Variants in BTG1 observed in about 807,000 individuals in gnomAD.
BTG1 encodes protein BTG1.
In BTG1, 2 loss-of-function variants were observed where a neutral mutation model predicts 15.2. The observed-to-expected ratio is 0.13, with a 90% CI of 0.05 to 0.41. The LOEUF is 0.41. BTG1 is among the 10% of genes least tolerant of loss of function. BTG1 has a pLI of 0.99. For missense variants in BTG1, 149 were observed against 215.0 expected, an observed-to-expected ratio of 0.69 and a Z score of 1.92; for synonymous variants, 109 against 82.4, an observed-to-expected ratio of 1.32 and a Z score of -1.75.
At chr12:92,145,327 G>A (rs1410015941) in intron 1 of BTG1, 61 bp downstream of exon 1, 3 of 1,417,860 alleles carry the variant, frequency 2.1e-6, no homozygotes, top group East Asian at 5.6e-5. Flanking sequence ...CAGCCCCGAC[G>A]GCCGGACTCT....
chr12:92,144,500 C>T (rs1402061272), intron 1 of BTG1, 53 bp from the exon 2 acceptor site: 16 of 1,593,238 alleles, frequency 1.0e-5, no homozygotes, highest in Non-Finnish European at 1.2e-5. Flanking sequence ...TTAGCTCCCA[C>T]TGCGGATTCC....
rs1870241829 is a variant in BTG1, at chr12:92,141,762, A to G, written c.*2318T>C. Reference sequence around the variant, plus strand: ...CTTTTTCAAAGACAAACTTATAAACAGCTCCTCACAAGCCAGACATCACCT... The same window carrying G: ...CTTTTTCAAAGACAAACTTATAAACGGCTCCTCACAAGCCAGACATCACCT... On this transcript the variant is annotated 3_prime_UTR_variant, in exon 2 of 2. Transcript: ENST00000256015. 2 of 232,694 alleles carry G rather than the reference A, an allele frequency of 8.6e-6. No individual in the cohort carries two copies. The highest frequency in any genetic ancestry group is 2.2e-5 in the African/African-American group (1 of 45,320). The allele number at this position is 232,694 out of a possible 1,614,324, so 14.4% of individuals were successfully genotyped here.
chr12:92,144,440 A>G lies in BTG1; in HGVS notation c.156T>C (p.Tyr52=). ...GCTTTTCTGGGAACCAGTGATGTTT[A>G]TAATGTTCTATAGAAGAAAAGAAGA... is the stretch of plus-strand genomic sequence containing the variant. The part of the protein sequence containing the change: ...QSLQELLAEH[Y]KHHWFPEKPC... The change falls in exon 2 of 2, where the codon TAT becomes TAC. Residue 52 remains tyrosine (Y), a synonymous_variant. Coordinates refer to ENST00000256015, the MANE Select transcript of BTG1 (RefSeq NM_001731.3). The G allele has an allele frequency of 6.2e-7, 1 of 1,613,822 alleles. No individual in the cohort carries two copies. Among genetic ancestry groups the G allele is most frequent in the Non-Finnish European group, 8.5e-7 (1 of 1,179,952 alleles).
rs1482590389 is a variant in BTG1 at position 92,143,308 on chromosome 12, A to G, written c.*772T>C. On this transcript the variant is annotated 3_prime_UTR_variant, in exon 2 of 2. Coordinates refer to ENST00000256015, the MANE Select transcript of BTG1 (RefSeq NM_001731.3). ...CACAAAATAGATGGTGGTTTGTGGA[A>G]AAGACTTTTACCCAATTAAGTACAA... The G allele has an allele frequency of 1.3e-5, 3 of 232,928 alleles. No homozygotes were observed. The highest frequency in any genetic ancestry group is 1.7e-5 in the Non-Finnish European group (2 of 117,670). 14.4% of individuals were successfully genotyped at this position (232,928 alleles called of 1,614,324 possible).
At chr12:92,145,307 G>A (rs1275957710) in intron 1 of BTG1, 81 bp downstream of exon 1, 4 of 1,369,390 alleles carry the variant, frequency 2.9e-6, no homozygotes, top group South Asian at 3.4e-5. Flanking sequence ...GGGCGCTGCC[G>A]AGGTTCCCGC....
At position 92,144,113 on chromosome 12, in the gene BTG1, G is replaced by A; in HGVS notation, c.483C>T (p.Ser161=). Residue 161 remains serine (S), a synonymous_variant, in exon 2 of 2, where the codon TCC becomes TCT. Transcript: ENST00000256015. ...EELLLGRTSP[S]KNYNMMTVSG ...ATACAGTCATCATATTGTAGTTTTT[G>A]GAAGGGCTCGTTCTGCCCAAGAGAA... The A allele has an allele frequency of 6.2e-7, 1 of 1,613,090 alleles. No individual in the cohort carries two copies. The highest frequency in any genetic ancestry group is 1.1e-5 in the South Asian group (1 of 91,048).
Position 92,145,576 on chromosome 12 carries a change from G to A in BTG1, c.-41C>T, listed in dbSNP as rs1388667596. On this transcript the variant is annotated 5_prime_UTR_variant, in exon 1 of 2. Coordinates refer to ENST00000256015, the MANE Select transcript of BTG1 (RefSeq NM_001731.3). ...GGGCGGCCCGGGGCGGCTGGGGCTC[G>A]GCGGCGCGGCCCCGACGGCGGAGCA... 3 of 1,276,820 alleles carry A rather than the reference G, an allele frequency of 2.3e-6. No individual in the cohort carries two copies. The highest frequency in any genetic ancestry group is 2.0e-6 in the Non-Finnish European group (2 of 1,006,980). The allele number at this position is 1,276,820 out of a possible 1,614,324, so 79.1% of individuals were successfully genotyped here. A position where few individuals can be genotyped will look rare whatever the true frequency, so the allele number is the denominator to read the frequency against.
chr12:92,144,674 T>C (rs893029540), intron 1 of BTG1, among the ~76,000 whole-genome samples: 1 of 152,112 alleles, frequency 6.6e-6, no homozygotes, highest in Non-Finnish European at 1.5e-5. Flanking sequence ...AACCAACCGG[T>C]TGAGCCGCCA....
rs944268218 is a variant in BTG1, at chr12:92,145,392, C to A, written c.144G>T (p.Leu48=). The change falls in exon 1 of 2, where the codon CTG becomes CTT. Residue 48 remains leucine, a synonymous_variant. Coordinates refer to ENST00000256015, the MANE Select transcript of BTG1 (RefSeq NM_001731.3). ...QTFSQSLQEL[L]AEHYKHHWFP... Reference sequence around the variant, plus strand: ...CGACGCCCTCGCCCTGCTCACCTGCCAGCAGCTCCTGCAGGCTCTGGCTGA... The same window carrying A: ...CGACGCCCTCGCCCTGCTCACCTGCAAGCAGCTCCTGCAGGCTCTGGCTGA... The A allele has an allele frequency of 1.9e-6, 3 of 1,581,958 alleles. No individual in the cohort carries two copies. In the African/African-American group the frequency reaches 4.2e-5, roughly 22 times the overall value.
chr12:92,145,727 G>T lies in BTG1; in HGVS notation c.-192C>A. 3.0e-6 allele frequency: 1 copy of T among 337,290 alleles called. No homozygotes were observed. The highest frequency in any genetic ancestry group is 5.2e-6 in the Non-Finnish European group (1 of 192,598). The allele number at this position is 337,290 out of a possible 1,614,324, so 20.9% of individuals were successfully genotyped here. On this transcript the variant is annotated 5_prime_UTR_variant, in exon 1 of 2. Transcript: ENST00000256015. Reference sequence around the variant, plus strand: ...ATTTTCGAGACAGGAGGCGGCAGGAGAGAGGAAGAGACGAGCGATGGCGGC... The same window carrying T: ...ATTTTCGAGACAGGAGGCGGCAGGATAGAGGAAGAGACGAGCGATGGCGGC...
chr12:92,145,072 G>A lies in BTG1; in HGVS notation c.148+316C>T. ...ACGTCGAACCCACCCCAGCCCCACG[G>A]CTCCTTTGTCCCCAAATCCGCCGAC... On this transcript the variant is annotated intron_variant, in intron 1 of 1. Coordinates refer to ENST00000256015, the MANE Select transcript of BTG1 (RefSeq NM_001731.3). 2 of 220,568 alleles carry A rather than the reference G, an allele frequency of 9.1e-6. 1 individual carries two copies. The highest frequency in any genetic ancestry group is 2.1e-4 in the South Asian group (2 of 9,746). 13.7% of individuals were successfully genotyped at this position (220,568 alleles called of 1,614,324 possible).
In BTG1 at chr12:92,144,206, T is replaced by C; in HGVS notation, c.390A>G (p.Ala130=). The C allele has an allele frequency of 1.2e-6, 2 of 1,614,228 alleles. No homozygotes were observed. Among genetic ancestry groups the C allele is most frequent in the Non-Finnish European group, 1.7e-6 (2 of 1,180,042 alleles). ...SICVLYEASP[A]GGSTQNSTNV... is the part of the protein sequence containing the mutation. ...TGGTGCTGTTTTGAGTGCTACCTCC[T>C]GCTGGTGAGGCTTCATACAGCACAC... The change falls in exon 2 of 2, where the codon GCA becomes GCG. Residue 130 remains alanine (A), a synonymous_variant. Coordinates refer to ENST00000256015, the MANE Select transcript of BTG1 (RefSeq NM_001731.3).
chr12:92,144,591 C>A, intron 1 of BTG1, 144 bp from the exon 2 acceptor site: 1 of 1,127,656 alleles, frequency 8.9e-7, no homozygotes, highest in Non-Finnish European at 1.2e-6. Context: ...CGTTGTTGTG[C>A]ATGTGCGGGG....
Position 92,143,623 on chromosome 12 carries a change from A to G in BTG1, c.*457T>C, listed in dbSNP as rs1421421075. 8.2e-6 allele frequency: 2 copies of G among 243,290 alleles called. No individual in the cohort carries two copies. The highest frequency in any genetic ancestry group is 1.2e-4 in the East Asian group (2 of 16,618). The allele number at this position is 243,290 out of a possible 1,614,324, so 15.1% of individuals were successfully genotyped here. ...TAAGTGCTAGGTAAAAGTCTTGTAAAATTTCCAGTACTACCATGTTTAAAA... is the reference window on the plus strand; with the variant it reads ...TAAGTGCTAGGTAAAAGTCTTGTAAGATTTCCAGTACTACCATGTTTAAAA... On this transcript the variant is annotated 3_prime_UTR_variant, in exon 2 of 2. Transcript: ENST00000256015.
Position 92,142,886 on chromosome 12 carries a change from T to A in BTG1, c.*1194A>T, listed in dbSNP as rs563474957. 1 of 233,008 alleles carries A rather than the reference T, an allele frequency of 4.3e-6. No individual in the cohort carries two copies. The highest frequency in any genetic ancestry group is 8.5e-6 in the Non-Finnish European group (1 of 117,998). The allele number at this position is 233,008 out of a possible 1,614,324, so 14.4% of individuals were successfully genotyped here. A position where few individuals can be genotyped will look rare whatever the true frequency, so the allele number is the denominator to read the frequency against. On this transcript the variant is annotated 3_prime_UTR_variant, in exon 2 of 2. Coordinates refer to ENST00000256015, the MANE Select transcript of BTG1 (RefSeq NM_001731.3). ...TGGTAGATGCTACCGTGGTCTCTTA[T>A]CCTTATTTCATGAGATCATTAGCCT...
rs1186897957 is a variant in BTG1, at chr12:92,140,670, G to A, written c.*3410C>T. On this transcript the variant is annotated 3_prime_UTR_variant, in exon 2 of 2. Transcript: ENST00000256015. ...AAGATTTTGTGATACTGTTATATTA[G>A]TTCCAAATATGAAAATAAACCGGTT... 8.6e-6 allele frequency: 2 copies of A among 231,890 alleles called. No homozygotes were observed. The highest frequency in any genetic ancestry group is 4.4e-5 in the African/African-American group (2 of 45,248). The allele number at this position is 231,890 out of a possible 1,614,324, so 14.4% of individuals were successfully genotyped here.
At position 92,145,559 on chromosome 12, in the gene BTG1, C is replaced by CG; in HGVS notation, c.-25dup. On this transcript the variant is annotated 5_prime_UTR_variant, in exon 1 of 2. Transcript: ENST00000256015. ...ATGGGGGCGGCGTGCGGGGGCGGCC[C>CG]GGGGCGGCTGGGGCTCGGCGGCGCG... The CG allele has an allele frequency of 7.2e-7, 1 of 1,382,566 alleles. No homozygotes were observed. Among genetic ancestry groups the CG allele is most frequent in the South Asian group, 1.9e-5 (1 of 52,756 alleles). 85.6% of individuals were successfully genotyped at this position (1,382,566 alleles called of 1,614,324 possible).
In BTG1 at chr12:92,145,620, A is replaced by C; in HGVS notation, c.-85T>G. 2 of 1,005,220 alleles carry C rather than the reference A, an allele frequency of 2.0e-6. No homozygotes were observed. Among genetic ancestry groups the C allele is most frequent in the Non-Finnish European group, 2.6e-6 (2 of 770,666 alleles). The allele number at this position is 1,005,220 out of a possible 1,614,324, so 62.3% of individuals were successfully genotyped here. On this transcript the variant is annotated 5_prime_UTR_variant, in exon 1 of 2. Transcript: ENST00000256015. ...CGGAGCAGCCACCCCGGGCTTCCTC[A>C]CCGGGCGGAAGGCTGAGAGGAAGAG...
Position 92,144,308 on chromosome 12 carries a change from C to T in BTG1, c.288G>A (p.Arg96=), listed in dbSNP as rs200159821. The change falls in exon 2 of 2, where the codon AGG becomes AGA. Residue 96 remains arginine, a synonymous_variant. Transcript: ENST00000256015. ...AGAGTGTGAGTTCACTTGGGAGAAG[C>T]CTGAACAGCTCCTGACTGCTCAGTC... is the stretch of plus-strand genomic sequence containing the variant. The part of the protein sequence containing the change: ...RIGLSSQELF[R]LLPSELTLWV... 6.6e-5 allele frequency: 106 copies of T among 1,614,108 alleles called. No homozygotes were observed. The Middle Eastern group carries it at 9.9e-4, about 15-fold the overall frequency.
Sources: gnomAD v4.1 joint callset for allele counts (sites outside exome capture counted in the v4.1 genomes callset) on GRCh38, gnomAD v4.1.1 for gene constraint, MANE v1.5 for transcripts, NCBI Gene and HGNC (gene_info 2026-07-23, HGNC 2026-07-21) for gene names.